The following ACSS3 variants were observed in gnomAD, a reference collection of about 807,000 sequenced individuals.
The protein encoded by ACSS3 is acyl-CoA synthetase short-chain family member 3, mitochondrial.
Under a neutral mutation model 84.2 loss-of-function variants are expected in ACSS3, and 64 were observed. That is an observed-to-expected ratio of 0.76 (90% CI 0.62 to 0.94). The LOEUF is 0.94. ACSS3 is among the 40% of genes least tolerant of loss of function. ACSS3 has a pLI of 0.00. For synonymous variants in ACSS3, 317 were observed against 310.1 expected, an observed-to-expected ratio of 1.02 and a Z score of -0.23; for missense variants, 815 against 867.6, an observed-to-expected ratio of 0.94 and a Z score of 0.76.
intron 8 of ACSS3, among the ~76,000 whole-genome samples, chr12:81,197,927 A>T (rs576211958): frequency 1.6e-4 from 24 of 152,098 alleles, no homozygotes; most frequent in Admixed American, 1.4e-3. Flanking sequence ...CCTGTATCAC[A>T]CCCCAATATG....
At chr12:81,217,712 G>A (rs577897424) in intron 10 of ACSS3, among the ~76,000 whole-genome samples, 5 of 151,962 alleles carry the variant, frequency 3.3e-5, no homozygotes, top group Non-Finnish European at 5.9e-5. Flanking sequence ...GTGTGGTGGT[G>A]TGCGCCTCTA....
intron 11 of ACSS3, among the ~76,000 whole-genome samples, chr12:81,225,228 T>G (rs542462729): frequency 6.6e-6 from 1 of 151,990 alleles, no homozygotes; most frequent in South Asian, 2.1e-4. Flanking sequence ...TGAATCCTTT[T>G]TTCTTCTCCC....
At chr12:81,254,082 G>T (rs957431485) in intron 15 of ACSS3, among the ~76,000 whole-genome samples, 1 of 151,954 alleles carries the variant, frequency 6.6e-6, no homozygotes, top group Admixed American at 6.6e-5. Flanking sequence ...ATGCAACTGT[G>T]CCTGGCTAAT....
At chr12:81,126,405 C>G (rs560752664) in intron 2 of ACSS3, among the ~76,000 whole-genome samples, 2 of 152,284 alleles carry the variant, frequency 1.3e-5, no homozygotes, top group South Asian at 4.1e-4. Context: ...GTGTTAATAA[C>G]AGGCATCAAT....
chr12:81,196,141 A>G lies in ACSS3; in HGVS notation c.1251-3200A>G, dbSNP rs578241955. ...CATGTCAGAATAAATTATTAGCATA[A>G]TGATTTGAGCAGGAATTGAGTATGT... is the stretch of plus-strand genomic sequence containing the variant. On this transcript the variant is annotated intron_variant, in intron 8 of 15. Coordinates refer to ENST00000548058, the MANE Select transcript of ACSS3 (RefSeq NM_024560.4). 2.6e-5 allele frequency among the ~76,000 whole-genome samples: 4 copies of G among 152,314 alleles called. No homozygotes were observed. In the South Asian group the frequency reaches 8.3e-4, roughly 32 times the overall value.
chr12:81,161,287 C>T (rs1056070912), intron 7 of ACSS3, among the ~76,000 whole-genome samples: 1 of 152,100 alleles, frequency 6.6e-6, no homozygotes, highest in Admixed American at 6.5e-5. Flanking sequence ...TCAGCTACTA[C>T]GAATTTTGAA....
At chr12:81,227,109 A>C in intron 11 of ACSS3, among the ~76,000 whole-genome samples, 1 of 151,804 alleles carries the variant, frequency 6.6e-6, no homozygotes, top group East Asian at 1.9e-4. Flanking sequence ...CAGCAGGCTG[A>C]AGACCCAGGA....
chr12:81,238,183 C>A (rs1459945798), intron 13 of ACSS3, among the ~76,000 whole-genome samples: 1 of 151,730 alleles, frequency 6.6e-6, no homozygotes, highest in East Asian at 1.9e-4. Flanking sequence ...AATTTCGAAC[C>A]AGCTTTGTAT....
At chr12:81,168,522 A>G (rs1023374234) in intron 7 of ACSS3, among the ~76,000 whole-genome samples, 4 of 152,158 alleles carry the variant, frequency 2.6e-5, no homozygotes, top group Non-Finnish European at 4.4e-5. Flanking sequence ...GATACAACCA[A>G]CGAAAACACT....
At chr12:81,238,709 T>C (rs1441395193) in intron 13 of ACSS3, among the ~76,000 whole-genome samples, 1 of 151,746 alleles carries the variant, frequency 6.6e-6, no homozygotes, top group Non-Finnish European at 1.5e-5. Context: ...TGTAGTAATA[T>C]GTCCTCTTTC....
At chr12:81,177,907 G>A (rs1369545314) in intron 8 of ACSS3, among the ~76,000 whole-genome samples, 2 of 152,168 alleles carry the variant, frequency 1.3e-5, no homozygotes, top group Non-Finnish European at 2.9e-5. Flanking sequence ...TCAGTGTGGC[G>A]ATTCCTCAGG....
At chr12:81,233,569 C>A in intron 13 of ACSS3, 98 bp downstream of exon 13, 1 of 1,444,514 alleles carries the variant, frequency 6.9e-7, no homozygotes, top group Non-Finnish European at 9.4e-7. Flanking sequence ...AATTACCACA[C>A]CCTTCATTTG....
intron 7 of ACSS3, among the ~76,000 whole-genome samples, chr12:81,161,821 G>C (rs550475527): frequency 1.3e-5 from 2 of 151,998 alleles, no homozygotes; most frequent in Middle Eastern, 3.2e-3. Flanking sequence ...GCAAGCGTGG[G>C]GTCCAGCCAC....
At chr12:81,149,011 C>T (rs10219578) in intron 5 of ACSS3, among the ~76,000 whole-genome samples, 102 of 151,128 alleles carry the variant, frequency 6.7e-4, no homozygotes, top group African/African-American at 2.3e-3. Flanking sequence ...ACCTGGGAGG[C>T]GGAGGTTGTA....
intron 9 of ACSS3, among the ~76,000 whole-genome samples, chr12:81,213,793 T>TTCTCTTCTC (rs1555181605): frequency 6.5e-5 from 2 of 30,860 alleles, no homozygotes; most frequent in African/African-American, 1.2e-4. Context: ...TCTCTTCTCT[T>TTCTCTTCTC]TTCTCTTCTC....
chr12:81,101,244 G>A (rs1254831704), intron 1 of ACSS3, among the ~76,000 whole-genome samples: 1 of 152,030 alleles, frequency 6.6e-6, no homozygotes, highest in Non-Finnish European at 1.5e-5. Context: ...TTATAATTAA[G>A]CTGACTATTA....
At chr12:81,166,274 G>T (rs1236526217) in intron 7 of ACSS3, among the ~76,000 whole-genome samples, 1 of 152,154 alleles carries the variant, frequency 6.6e-6, no homozygotes, top group African/African-American at 2.4e-5. Flanking sequence ...GCTGAAAATG[G>T]CTCTGATGTC....
chr12:81,176,572 C>T (rs1467219481), intron 8 of ACSS3, among the ~76,000 whole-genome samples: 1 of 150,426 alleles, frequency 6.6e-6, no homozygotes, highest in East Asian at 1.9e-4. Flanking sequence ...GACTCCATTA[C>T]AAAAAATAAT....
intron 1 of ACSS3, among the ~76,000 whole-genome samples, chr12:81,084,381 T>C (rs1486427611): frequency 6.6e-6 from 1 of 152,086 alleles, no homozygotes; most frequent in Admixed American, 6.5e-5. Flanking sequence ...AGAGAGGAAC[T>C]TCAGGAATAA....
Sources: gnomAD v4.1 joint callset for allele counts (sites outside exome capture counted in the v4.1 genomes callset) on GRCh38, gnomAD v4.1.1 for gene constraint, MANE v1.5 for transcripts, NCBI Gene and HGNC (gene_info 2026-07-23, HGNC 2026-07-21) for gene names.